BCLAF3: variants seen among roughly 807,000 people sequenced by gnomAD.
The protein encoded by BCLAF3 is transient octamer binding factor 1.
BCLAF3 carries 24 observed loss-of-function variants against 51.2 expected under a neutral mutation model. That is an observed-to-expected ratio of 0.47 (90% CI 0.34 to 0.66). The LOEUF is 0.66. BCLAF3 is among the 30% of genes least tolerant of loss of function. BCLAF3 has a pLI of 0.01. For missense variants in BCLAF3, 465 were observed against 525.1 expected, an observed-to-expected ratio of 0.89 and a Z score of 1.12; for synonymous variants, 152 against 176.6, an observed-to-expected ratio of 0.86 and a Z score of 1.10.
chrX:19,990,895 C>G lies in BCLAF3; in HGVS notation c.-35+13G>C, dbSNP rs1466266920. On this transcript the variant is annotated intron_variant, in intron 1 of 11. Coordinates refer to ENST00000379682, the MANE Select transcript of BCLAF3 (RefSeq NM_001367774.2). ...CCAGGCCTCCTCGCCCCGCCTCCCC[C>G]CGAGCCGCTCACCCGGCCGGGAAGC... is the stretch of plus-strand genomic sequence containing the variant. Among the ~76,000 whole-genome samples, 1 of 106,869 alleles carries G rather than the reference C, an allele frequency of 9.4e-6. No individual in the cohort carries two copies. The highest frequency in any genetic ancestry group is 2.9e-4 in the East Asian group (1 of 3,403). 92.8% of individuals were successfully genotyped at this position (106,869 alleles called of 115,157 possible). A position where few individuals can be genotyped will look rare whatever the true frequency, so the allele number is the denominator to read the frequency against.
intron 1 of BCLAF3, among the ~76,000 whole-genome samples, chrX:19,978,697 A>G (rs1474928859): frequency 8.9e-6 from 1 of 111,996 alleles, no homozygotes; most frequent in African/African-American, 3.2e-5. Context: ...ATTTTGATGG[A>G]AGTGCTACTG....
intron 4 of BCLAF3, among the ~76,000 whole-genome samples, chrX:19,959,481 T>C (rs1232414469): frequency 1.8e-5 from 2 of 111,296 alleles, no homozygotes; most frequent in East Asian, 5.7e-4. Flanking sequence ...TAAGGTCAAG[T>C]GCGGTGGCTC....
chrX:19,936,588 T>C (rs188091629), intron 9 of BCLAF3, among the ~76,000 whole-genome samples: 2 of 111,705 alleles, frequency 1.8e-5, no homozygotes, highest in East Asian at 5.6e-4. Flanking sequence ...TCCGACCAAT[T>C]ATTCCTCCCT....
At chrX:19,971,589 A>G (rs2072260127) in intron 1 of BCLAF3, among the ~76,000 whole-genome samples, 1 of 112,406 alleles carries the variant, frequency 8.9e-6, no homozygotes, top group Non-Finnish European at 1.9e-5. Context: ...TAGCTTCGGA[A>G]ACTGAATTTT....
chrX:19,924,070 G>C (rs2147696184), intron 11 of BCLAF3, among the ~76,000 whole-genome samples: 1 of 110,726 alleles, frequency 9.0e-6, no homozygotes, highest in African/African-American at 3.3e-5. Flanking sequence ...AAAGCGCTGG[G>C]ATTACAGGCG....
intron 4 of BCLAF3, among the ~76,000 whole-genome samples, chrX:19,956,618 T>C (rs1197223304): frequency 8.9e-6 from 1 of 111,813 alleles, no homozygotes; most frequent in Non-Finnish European, 1.9e-5. Context: ...CATTATTTTA[T>C]ATTTATATCT....
At chrX:19,974,250 C>T (rs2072345739) in intron 1 of BCLAF3, among the ~76,000 whole-genome samples, 1 of 112,653 alleles carries the variant, frequency 8.9e-6, no homozygotes, top group African/African-American at 3.2e-5. Context: ...TTTGGAAATA[C>T]CCAATAAAGT....
At chrX:19,937,687 T>C (rs955538027) in intron 8 of BCLAF3, among the ~76,000 whole-genome samples, 155 bp from the exon 9 acceptor site, 11 of 112,223 alleles carry the variant, frequency 9.8e-5, no homozygotes, top group Non-Finnish European at 1.5e-4. Context: ...TTACAAATGA[T>C]AGTCATTAGG....
In BCLAF3 at chrX:19,915,431, A is replaced by C. The variant is rs2069914607; in HGVS notation, c.*1874T>G. Reference sequence around the variant, plus strand: ...TTAGGCTTTAGATCTTATACACACAATGTTTTCTGCACAGGTATTTTGCAG... The same window carrying C: ...TTAGGCTTTAGATCTTATACACACACTGTTTTCTGCACAGGTATTTTGCAG... On this transcript the variant is annotated 3_prime_UTR_variant, in exon 12 of 12. Transcript: ENST00000379682. 1 of 112,075 alleles carries C rather than the reference A, an allele frequency of 8.9e-6. No individual in the cohort carries two copies. Among genetic ancestry groups the C allele is most frequent in the South Asian group, 3.7e-4 (1 of 2,724 alleles). The allele number at this position is 112,075 out of a possible 1,213,427, so 9.2% of individuals were successfully genotyped here.
At chrX:19,941,775 G>A (rs1342509886) in intron 8 of BCLAF3, among the ~76,000 whole-genome samples, 3 of 99,796 alleles carry the variant, frequency 3.0e-5, no homozygotes, top group Non-Finnish European at 6.0e-5. Context: ...GGTTCCATAT[G>A]AACTTTAAAG....
At chrX:19,946,059 T>C (rs1342128121) in intron 8 of BCLAF3, among the ~76,000 whole-genome samples, 1 of 109,812 alleles carries the variant, frequency 9.1e-6, no homozygotes, top group Non-Finnish European at 1.9e-5. Context: ...GTCACCCCTT[T>C]CTTTGACTCG....
At chrX:19,920,040 A>G (rs938195280) in intron 11 of BCLAF3, among the ~76,000 whole-genome samples, 3 of 110,891 alleles carry the variant, frequency 2.7e-5, no homozygotes, top group Non-Finnish European at 5.7e-5. Flanking sequence ...AAGATGGTTT[A>G]CGCTGAGCAC....
At chrX:19,955,269 C>A in intron 5 of BCLAF3, 122 bp downstream of exon 5, 3 of 461,112 alleles carry the variant, frequency 6.5e-6, no homozygotes, top group Non-Finnish European at 9.8e-6. Context: ...TTTCCTAATT[C>A]ACAGTCTAGC....
At chrX:19,965,814 G>A in intron 3 of BCLAF3, 108 bp from the exon 4 acceptor site, 1 of 841,305 alleles carries the variant, frequency 1.2e-6, no homozygotes, top group Non-Finnish European at 1.6e-6. Flanking sequence ...GCAGTGGCAA[G>A]TTAATCTATA....
chrX:19,979,918 GGAGA>G (rs748155372), intron 1 of BCLAF3, among the ~76,000 whole-genome samples: 2 of 108,388 alleles, frequency 1.8e-5, no homozygotes, highest in Admixed American at 1.0e-4. Context: ...AGAGGGAAAG[GGAGA>G]GAGAGAGAGA....
intron 1 of BCLAF3, among the ~76,000 whole-genome samples, chrX:19,981,633 T>G (rs1487453754): frequency 8.9e-6 from 1 of 112,069 alleles, no homozygotes; most frequent in Non-Finnish European, 1.9e-5. Flanking sequence ...TGTATACAAA[T>G]ATCCATAGGA....
At chrX:19,986,796 G>GTT (rs758844786) in intron 1 of BCLAF3, among the ~76,000 whole-genome samples, 7 of 91,159 alleles carry the variant, frequency 7.7e-5, no homozygotes, top group East Asian at 3.4e-4. Context: ...ACTTGAGTCG[G>GTT]TTTTTTTTTT....
intron 8 of BCLAF3, among the ~76,000 whole-genome samples, chrX:19,940,752 G>T (rs1237887162): frequency 1.0e-4 from 11 of 109,969 alleles, no homozygotes; most frequent in Non-Finnish European, 2.1e-4. Flanking sequence ...TGTCTTTATA[G>T]CAGCATGATT....
chrX:19,959,687 A>G (rs899428954), intron 4 of BCLAF3, among the ~76,000 whole-genome samples: 1 of 110,418 alleles, frequency 9.1e-6, no homozygotes, highest in Non-Finnish European at 1.9e-5. Flanking sequence ...CTAAGGTGGG[A>G]GGATCGCTAG....
Sources: allele counts gnomAD v4.1 joint callset (sites outside exome capture counted in the v4.1 genomes callset), GRCh38; gene constraint gnomAD v4.1.1; transcripts MANE v1.5; gene names NCBI Gene and HGNC (gene_info 2026-07-23, HGNC 2026-07-21).